The following RYR2 variants were observed in gnomAD, a reference collection of about 807,000 sequenced individuals.
The protein encoded by RYR2 is ryanodine receptor 2, also known as cardiac muscle ryanodine receptor-calcium release channel.
In RYR2, 227 loss-of-function variants were observed where a neutral mutation model predicts 601.1. That is an observed-to-expected ratio of 0.38 (90% CI 0.34 to 0.42). The LOEUF is 0.42. Ranked by LOEUF, RYR2 falls within the 10% of genes least tolerant of loss-of-function variation. The pLI, the probability that RYR2 is intolerant of heterozygous loss-of-function variation, is 1.00. For missense variants in RYR2, 4,646 were observed against 6,156.5 expected, an observed-to-expected ratio of 0.75 and a Z score of 8.21; for synonymous variants, 2,223 against 2,175.1, an observed-to-expected ratio of 1.02 and a Z score of -0.61.
intron 1 of RYR2, among the ~76,000 whole-genome samples, chr1:237,053,477 G>A (rs1203285938): frequency 6.6e-6 from 1 of 152,168 alleles, no homozygotes; most frequent in Non-Finnish European, 1.5e-5. Context: ...ATGAAGAATT[G>A]CATCACACAG....
At chr1:237,165,288 A>G (rs1676575402) in intron 1 of RYR2, among the ~76,000 whole-genome samples, 2 of 152,230 alleles carry the variant, frequency 1.3e-5, no homozygotes, top group Admixed American at 6.5e-5. Context: ...CGCTGTAGAA[A>G]TGAAACTTAT....
intron 1 of RYR2, among the ~76,000 whole-genome samples, chr1:237,107,796 A>C (rs1668907703): frequency 6.6e-6 from 1 of 152,134 alleles, no homozygotes; most frequent in Non-Finnish European, 1.5e-5. Context: ...CTGCAGCCTT[A>C]GTTCTTTCCA....
intron 1 of RYR2, among the ~76,000 whole-genome samples, chr1:237,122,982 G>A (rs1670980997): frequency 1.3e-5 from 2 of 152,182 alleles, no homozygotes. Context: ...TCTTCTTGAA[G>A]TTATATAGTT....
chr1:237,646,187 T>G (rs1682133550), intron 48 of RYR2, among the ~76,000 whole-genome samples: 1 of 151,926 alleles, frequency 6.6e-6, no homozygotes, highest in Non-Finnish European at 1.5e-5. Context: ...AAATCTCTGC[T>G]TTTTTCAGCC....
Position 237,445,414 on chromosome 1 carries a change from A to G in RYR2, c.1184A>G (p.His395Arg). The G allele has an allele frequency of 6.2e-7, 1 of 1,613,600 alleles. No individual in the cohort carries two copies. Among genetic ancestry groups the G allele is most frequent in the Non-Finnish European group, 8.5e-7 (1 of 1,179,634 alleles). ...GSIQRKAIMH[H>R]EGHMDDGISL... Reference sequence around the variant, plus strand: ...GCTTTCTTACAGGCTATTATGCATCATGAAGGCCACATGGATGATGGCATA... The same window carrying G: ...GCTTTCTTACAGGCTATTATGCATCGTGAAGGCCACATGGATGATGGCATA... Residue 395 changes from histidine to arginine, a missense_variant, in exon 14 of 105, where the codon CAT (histidine) becomes CGT (arginine). His to Arg is a conservative substitution (Grantham distance 29, BLOSUM62 0). This residue lies in a region of RYR2 where 1,807 missense variants were observed against 2,088.1 expected (regional missense o/e 0.87). Transcript: ENST00000366574.
At chr1:237,429,849 C>T (rs16832043) in intron 12 of RYR2, among the ~76,000 whole-genome samples, 2,979 of 151,968 alleles carry the variant, frequency 0.02, 94 homozygotes, top group African/African-American at 0.062. Context: ...TAAAAATATA[C>T]GTGCAAGTTA....
At chr1:237,591,332 T>A (rs2779429) in intron 31 of RYR2, among the ~76,000 whole-genome samples, 59,146 of 149,764 alleles carry the variant, frequency 0.39, 13,303 homozygotes, top group Admixed American at 0.5. Context: ...AGTTACTTTT[T>A]AAGATGTCTG....
chr1:237,576,208 C>T (rs1008434700), intron 29 of RYR2, among the ~76,000 whole-genome samples: 13 of 152,148 alleles, frequency 8.5e-5, no homozygotes, highest in Admixed American at 8.5e-4. Context: ...ATCCGTCGAT[C>T]AGACTTTTCA....
intron 23 of RYR2, among the ~76,000 whole-genome samples, chr1:237,510,276 G>T (rs1665754048): frequency 6.6e-6 from 1 of 152,112 alleles, no homozygotes; most frequent in Non-Finnish European, 1.5e-5. Flanking sequence ...AGCAGGAGAA[G>T]GAAGGGAATC....
At chr1:237,609,431 A>G (rs1241740754) in intron 35 of RYR2, among the ~76,000 whole-genome samples, 1 of 139,828 alleles carries the variant, frequency 7.2e-6, no homozygotes, top group Non-Finnish European at 1.5e-5. Context: ...GTGCAGTGAC[A>G]CGATCTCAGC....
rs777681348 is a variant in RYR2, at chr1:237,614,087, T to G, written c.4959T>G (p.Phe1653Leu). 6 of 1,613,998 alleles carry G rather than the reference T, an allele frequency of 3.7e-6. No homozygotes were observed. Among genetic ancestry groups the G allele is most frequent in the Non-Finnish European group, 4.2e-6 (5 of 1,179,852 alleles). The change falls in exon 37 of 105, where the codon TTT (phenylalanine) becomes TTG (leucine). Residue 1653 changes from phenylalanine (F) to leucine (L), a missense_variant. By Grantham distance (22) the Phe-to-Leu change is conservative. Coordinates refer to ENST00000366574, the MANE Select transcript of RYR2 (RefSeq NM_001035.3). The surrounding 1 kb of genome is among the most constrained non-coding windows in gnomAD (Gnocchi z 4.3). Reference protein sequence around the residue: ...ELTEQEELLKFHYHTLRLYSA... With the variant: ...ELTEQEELLKLHYHTLRLYSA... ...CAGAGCAGGAGGAATTGCTGAAATTTCACTATCACACTCTCCGGCTCTACT... is the reference window on the plus strand; with the variant it reads ...CAGAGCAGGAGGAATTGCTGAAATTGCACTATCACACTCTCCGGCTCTACT...
chr1:237,449,400 A>G (rs895359446), intron 14 of RYR2, among the ~76,000 whole-genome samples: 1 of 152,232 alleles, frequency 6.6e-6, no homozygotes, highest in Non-Finnish European at 1.5e-5. Flanking sequence ...TAAGAACATT[A>G]TAATAGTATA....
intron 31 of RYR2, 83 bp from the exon 32 acceptor site, chr1:237,591,656 C>A: frequency 8.7e-7 from 1 of 1,147,712 alleles, no homozygotes; most frequent in Non-Finnish European, 1.3e-6. Context: ...AGGTTTAAGG[C>A]AACTCAATTG....
intron 46 of RYR2, among the ~76,000 whole-genome samples, chr1:237,640,159 A>G (rs1258671385): frequency 1.3e-5 from 2 of 152,136 alleles, no homozygotes; most frequent in Non-Finnish European, 2.9e-5. Context: ...TGAGGGCCTC[A>G]CGGACACCCT....
chr1:237,605,154 A>G (rs1245880430), intron 35 of RYR2, among the ~76,000 whole-genome samples: 1 of 152,218 alleles, frequency 6.6e-6, no homozygotes, highest in Non-Finnish European at 1.5e-5. Context: ...TCTGATGAAC[A>G]TCGATGCAAA....
intron 2 of RYR2, among the ~76,000 whole-genome samples, chr1:237,313,397 G>A (rs1694772407): frequency 6.6e-6 from 1 of 152,094 alleles, no homozygotes; most frequent in South Asian, 2.1e-4. Context: ...TGCTTATAAG[G>A]GGGAAGCAGA....
chr1:237,498,896 A>G (rs909013340), intron 20 of RYR2, among the ~76,000 whole-genome samples: 9 of 152,208 alleles, frequency 5.9e-5, no homozygotes, highest in Admixed American at 4.6e-4. Context: ...GAAAATACGT[A>G]TCATATCAGG....
rs144112771 is a variant in RYR2 at position 237,235,728 on chromosome 1, A to G, written c.49-34769A>G. On this transcript the variant is annotated intron_variant, in intron 1 of 104. Coordinates refer to ENST00000366574, the MANE Select transcript of RYR2 (RefSeq NM_001035.3). Reference sequence around the variant, plus strand: ...AACAAGTGGTCAAAGGCAGTGATAGATGCCTTCTCTTCATCTTTTATGGAG... The same window carrying G: ...AACAAGTGGTCAAAGGCAGTGATAGGTGCCTTCTCTTCATCTTTTATGGAG... Among the ~76,000 whole-genome samples the G allele has an allele frequency of 1.4e-3, 216 of 152,336 alleles. 2 individuals carry two copies. Among genetic ancestry groups the G allele is most frequent in the African/African-American group, 5.1e-3 (212 of 41,572 alleles).
At chr1:237,090,770 T>C (rs1410711107) in intron 1 of RYR2, among the ~76,000 whole-genome samples, 3 of 152,186 alleles carry the variant, frequency 2.0e-5, no homozygotes, top group African/African-American at 7.2e-5. Flanking sequence ...GATTTTTGAA[T>C]GCAAAACAAC....
Sources: gnomAD v4.1 joint callset for allele counts (sites outside exome capture counted in the v4.1 genomes callset) on GRCh38, gnomAD v4.1.1 for gene constraint, gnomAD v4.1.1 regional missense constraint, Gnocchi (gnomAD v3.1) non-coding constraint, MANE v1.5 for transcripts, NCBI Gene and HGNC (gene_info 2026-07-23, HGNC 2026-07-21) for gene names.